Variants in HPSE2 observed in about 807,000 individuals in gnomAD.
HPSE2 encodes heparanase 2 (inactive), also known as inactive heparanase-2.
A neutral mutation model predicts 60.5 loss-of-function variants in HPSE2; 38 were observed. The observed-to-expected ratio is 0.63, with a 90% CI of 0.48 to 0.82. The LOEUF is 0.82. HPSE2 is among the 40% of genes least tolerant of loss of function. The pLI, the probability that HPSE2 is intolerant of heterozygous loss-of-function variation, is 0.00. For missense variants in HPSE2, 713 were observed against 740.4 expected, an observed-to-expected ratio of 0.96 and a Z score of 0.43; for synonymous variants, 295 against 293.2, an observed-to-expected ratio of 1.01 and a Z score of -0.06.
At chr10:98,876,442 T>C (rs914686461) in intron 3 of HPSE2, among the ~76,000 whole-genome samples, 2 of 151,836 alleles carry the variant, frequency 1.3e-5, no homozygotes, top group African/African-American at 2.4e-5. Context: ...TAGTGACCAG[T>C]GAACTTAGCA....
chr10:99,078,773 T>A (rs1478965637), intron 3 of HPSE2, among the ~76,000 whole-genome samples: 1 of 152,200 alleles, frequency 6.6e-6, no homozygotes, highest in African/African-American at 2.4e-5. Context: ...TGTGATGGTA[T>A]CTGTGCATTA....
rs566261982 is a variant in HPSE2 at position 99,142,644 on chromosome 10, T to C, written c.610+1594A>G. 3.4e-3 allele frequency among the ~76,000 whole-genome samples: 520 copies of C among 152,278 alleles called. 3 individuals are homozygous for C. Among genetic ancestry groups the C allele is most frequent in the African/African-American group, 0.012 (506 of 41,564 alleles). On this transcript the variant is annotated intron_variant, in intron 3 of 11. Coordinates refer to ENST00000370552, the MANE Select transcript of HPSE2 (RefSeq NM_021828.5). ...GTTTGTTTAGTAGAAAGTAAGCAAG[T>C]TGTCAGGGTAAAAGTTGACAATGTT...
At chr10:99,259,308 CAAA>C in the HPSE2 span, among the ~76,000 whole-genome samples, 18 of 134,192 alleles carry the variant, frequency 1.3e-4, no homozygotes, top group African/African-American at 1.4e-4. Context: ...CCCCCCCCAC[CAAA>C]AAAAAAAAAA....
At chr10:99,246,239 G>A in the HPSE2 span, among the ~76,000 whole-genome samples, 1 of 152,128 alleles carries the variant, frequency 6.6e-6, no homozygotes, top group African/African-American at 2.4e-5. Context: ...TTATGGGGGG[G>A]AAAATACAAG....
At chr10:99,013,681 G>T (rs747002525) in intron 3 of HPSE2, 63 of 206,232 alleles carry the variant, frequency 3.1e-4, no homozygotes, top group Admixed American at 2.8e-3. Flanking sequence ...CATGTTGGCT[G>T]GGCTGGTCTC....
intron 7 of HPSE2, among the ~76,000 whole-genome samples, chr10:98,634,253 C>T (rs1205987619): frequency 6.6e-6 from 1 of 152,220 alleles, no homozygotes; most frequent in Non-Finnish European, 1.5e-5. Flanking sequence ...TCGCTTTGTG[C>T]ATCCTTCCCT....
chr10:98,892,776 T>C (rs1047482648), intron 3 of HPSE2, among the ~76,000 whole-genome samples: 28 of 152,222 alleles, frequency 1.8e-4, no homozygotes, highest in Non-Finnish European at 2.1e-4. Context: ...CAGCCAAGAA[T>C]TGTGACTAAC....
At chr10:98,697,632 C>T (rs977145772) in intron 5 of HPSE2, among the ~76,000 whole-genome samples, 3 of 152,132 alleles carry the variant, frequency 2.0e-5, no homozygotes, top group Admixed American at 1.3e-4. Flanking sequence ...GATAGGCCAA[C>T]ATTCAAATTC....
intron 10 of HPSE2, among the ~76,000 whole-genome samples, chr10:98,489,782 T>A (rs547405510): frequency 6.6e-6 from 1 of 152,310 alleles, no homozygotes; most frequent in East Asian, 1.9e-4. Flanking sequence ...TCAATAAAAA[T>A]GTGTTGGATG....
intron 3 of HPSE2, among the ~76,000 whole-genome samples, chr10:98,772,782 C>CA (rs1394263665): frequency 6.6e-6 from 1 of 152,074 alleles, no homozygotes; most frequent in Non-Finnish European, 1.5e-5. Flanking sequence ...GACATGACTA[C>CA]AAAAAATAAT....
At chr10:98,974,823 CACTA>C (rs1273448077) in intron 3 of HPSE2, among the ~76,000 whole-genome samples, 2 of 152,132 alleles carry the variant, frequency 1.3e-5, no homozygotes, top group African/African-American at 4.8e-5. Flanking sequence ...CCATAAGCAA[CACTA>C]ACTAAAGATT....
intron 3 of HPSE2, among the ~76,000 whole-genome samples, chr10:99,096,702 T>A (rs1843729671): frequency 6.6e-6 from 1 of 152,160 alleles, no homozygotes; most frequent in Non-Finnish European, 1.5e-5. Flanking sequence ...TTGTGTTTTT[T>A]TTTTTCCTAT....
intron 10 of HPSE2, among the ~76,000 whole-genome samples, chr10:98,485,060 G>A (rs541199367): frequency 1.4e-4 from 22 of 152,308 alleles, no homozygotes; most frequent in Admixed American, 1.2e-3. Context: ...ACTCACCTCT[G>A]CTTCTAAAGG....
intron 9 of HPSE2, among the ~76,000 whole-genome samples, chr10:98,596,524 C>A (rs554752648): frequency 3.6e-4 from 54 of 150,214 alleles, no homozygotes; most frequent in Non-Finnish European, 6.2e-4. Context: ...TAAGGTAGGT[C>A]TAGTGGTAAT....
chr10:98,593,775 A>G (rs560577874), intron 9 of HPSE2, among the ~76,000 whole-genome samples: 34 of 152,332 alleles, frequency 2.2e-4, no homozygotes, highest in African/African-American at 6.0e-4. Context: ...ATTGAAGACA[A>G]TATCTCCAGT....
At chr10:98,460,062 C>T (rs1285066177) in intron 11 of HPSE2, among the ~76,000 whole-genome samples, 1 of 152,082 alleles carries the variant, frequency 6.6e-6, no homozygotes, top group Non-Finnish European at 1.5e-5. Flanking sequence ...TCCATAGACA[C>T]ATTTAGACAA....
intron 3 of HPSE2, among the ~76,000 whole-genome samples, chr10:98,957,523 G>A (rs949102775): frequency 1.3e-5 from 2 of 152,158 alleles, no homozygotes; most frequent in African/African-American, 4.8e-5. Context: ...CCCCTTGAAA[G>A]GGCCATGCCC....
intron 3 of HPSE2, among the ~76,000 whole-genome samples, chr10:98,916,067 C>T (rs765490436): frequency 1.5e-4 from 23 of 152,156 alleles, no homozygotes; most frequent in African/African-American, 2.2e-4. Flanking sequence ...TCAGAGCCAA[C>T]GGGGATGAGA....
intron 3 of HPSE2, among the ~76,000 whole-genome samples, chr10:98,973,035 T>G (rs950869751): frequency 1.3e-5 from 2 of 152,168 alleles, no homozygotes; most frequent in South Asian, 4.1e-4. Context: ...TTGAACTGCT[T>G]GTATATTCTT....
Sources: allele counts gnomAD v4.1 joint callset (sites outside exome capture counted in the v4.1 genomes callset), GRCh38; gene constraint gnomAD v4.1.1; transcripts MANE v1.5; gene names NCBI Gene and HGNC (gene_info 2026-07-23, HGNC 2026-07-21).